The following ZNF704 variants were observed in gnomAD, a reference collection of about 807,000 sequenced individuals.
ZNF704 encodes glucocorticoid induced gene 1.
ZNF704 carries 10 observed loss-of-function variants against 44.7 expected under a neutral mutation model. The observed-to-expected ratio is 0.22, with a 90% CI of 0.14 to 0.38. The LOEUF (loss-of-function observed/expected upper bound fraction) is 0.38. ZNF704 is among the 10% of genes least tolerant of loss of function. The probability of loss-of-function intolerance (pLI) is 1.00; values close to 1 mark genes in which losing one functional copy is unlikely to be tolerated. For missense variants in ZNF704, 390 were observed against 545.5 expected, an observed-to-expected ratio of 0.71 and a Z score of 2.84; for synonymous variants, 211 against 207.6, an observed-to-expected ratio of 1.02 and a Z score of -0.14.
intron 7 of ZNF704, among the ~76,000 whole-genome samples, chr8:80,650,739 T>A (rs1455988211): frequency 3.9e-5 from 6 of 152,170 alleles, no homozygotes; most frequent in African/African-American, 9.7e-5. Context: ...TGGAAAACAC[T>A]CTGCAGGATA....
rs112293775 is a variant in ZNF704 at position 80,665,836 on chromosome 8, T to A, written c.660-754A>T. 3.8e-3 allele frequency among the ~76,000 whole-genome samples: 582 copies of A among 151,974 alleles called. 2 individuals carry two copies. The highest frequency in any genetic ancestry group is 8.8e-3 in the African/African-American group (364 of 41,496). ...ATTTTATTTTATTTTATTTTATTTT[T>A]TTTTCATGATTGTAAGTTTCCTGAG... On this transcript the variant is annotated intron_variant, in intron 5 of 8. Transcript: ENST00000327835.
intron 1 of ZNF704, among the ~76,000 whole-genome samples, chr8:80,857,511 TCTA>T (rs1043782907): frequency 1.6e-3 from 240 of 152,286 alleles, no homozygotes; most frequent in African/African-American, 5.1e-3. Context: ...AATACAGTAA[TCTA>T]CTAATACAGT....
At chr8:80,768,314 A>C (rs1020288077) in intron 2 of ZNF704, among the ~76,000 whole-genome samples, 1 of 152,066 alleles carries the variant, frequency 6.6e-6, no homozygotes, top group African/African-American at 2.4e-5. Flanking sequence ...TGTCCTTGTC[A>C]GTACATCTCC....
chr8:80,733,418 G>A (rs1379658823), intron 2 of ZNF704, among the ~76,000 whole-genome samples: 1 of 152,118 alleles, frequency 6.6e-6, no homozygotes, highest in Non-Finnish European at 1.5e-5. Flanking sequence ...ATTTTTTTGA[G>A]ATGTACTTTA....
chr8:80,688,321 T>G (rs984472394), intron 3 of ZNF704, among the ~76,000 whole-genome samples: 4 of 152,240 alleles, frequency 2.6e-5, no homozygotes, highest in African/African-American at 9.6e-5. Context: ...TGGATAGTTA[T>G]CTAAAGCCCC....
chr8:80,660,763 G>A (rs958521019), intron 6 of ZNF704, among the ~76,000 whole-genome samples: 2 of 152,032 alleles, frequency 1.3e-5, no homozygotes, highest in African/African-American at 4.8e-5. Flanking sequence ...TAGACCCCTA[G>A]CTCTTGTCAT....
At chr8:80,780,566 T>C (rs72671923) in intron 2 of ZNF704, among the ~76,000 whole-genome samples, 14,404 of 152,154 alleles carry the variant, frequency 0.095, 953 homozygotes, top group South Asian at 0.31. Context: ...GATCTTGAGA[T>C]GAGATCATTT....
intron 2 of ZNF704, among the ~76,000 whole-genome samples, chr8:80,721,672 C>A (rs1045871531): frequency 6.6e-5 from 10 of 152,020 alleles, no homozygotes; most frequent in African/African-American, 2.4e-4. Context: ...CATTTGTAAC[C>A]AAATTGACTA....
At chr8:80,868,424 T>C (rs1484945507) in intron 1 of ZNF704, among the ~76,000 whole-genome samples, 4 of 152,170 alleles carry the variant, frequency 2.6e-5, no homozygotes, top group Non-Finnish European at 5.9e-5. Context: ...CCCTCTCAAA[T>C]CTTCCTGGAA....
At chr8:80,791,419 CAG>C (rs1264494617) in intron 2 of ZNF704, among the ~76,000 whole-genome samples, 1 of 152,162 alleles carries the variant, frequency 6.6e-6, no homozygotes, top group East Asian at 1.9e-4. Context: ...ATACAGGGCC[CAG>C]AGTCACAAAT....
chr8:80,824,680 T>G (rs908269662), intron 1 of ZNF704, among the ~76,000 whole-genome samples: 4 of 152,314 alleles, frequency 2.6e-5, no homozygotes, highest in Admixed American at 6.5e-5. Context: ...GAGAGAAAAG[T>G]TGGGTTACCC....
intron 2 of ZNF704, among the ~76,000 whole-genome samples, chr8:80,791,696 T>C (rs1286768712): frequency 1.3e-5 from 2 of 151,516 alleles, no homozygotes; most frequent in African/African-American, 2.4e-5. Flanking sequence ...CCACTCTGTC[T>C]ACAGTTATCT....
rs937064126 is a variant in ZNF704, at chr8:80,869,802, G to C, written c.-22+4769C>G. 2.4e-4 allele frequency among the ~76,000 whole-genome samples: 36 copies of C among 152,220 alleles called. 1 individual carries two copies. Among genetic ancestry groups the C allele is most frequent in the Non-Finnish European group, 2.9e-5 (2 of 68,040 alleles). On this transcript the variant is annotated intron_variant, in intron 1 of 8. Coordinates refer to ENST00000327835, the MANE Select transcript of ZNF704 (RefSeq NM_001033723.3). Reference sequence around the variant, plus strand: ...TCCTGACTACATTGCATTATGCAAGGCTCCATCTTGCTGGCAGGCAGGCTC... The same window carrying C: ...TCCTGACTACATTGCATTATGCAAGCCTCCATCTTGCTGGCAGGCAGGCTC...
At chr8:80,746,116 T>C (rs1806839524) in intron 2 of ZNF704, among the ~76,000 whole-genome samples, 1 of 152,166 alleles carries the variant, frequency 6.6e-6, no homozygotes, top group African/African-American at 2.4e-5. Flanking sequence ...CTTTCAGGTA[T>C]TTACCCAAGC....
At chr8:80,738,111 T>C (rs1806695034) in intron 2 of ZNF704, among the ~76,000 whole-genome samples, 1 of 152,240 alleles carries the variant, frequency 6.6e-6, no homozygotes, top group Non-Finnish European at 1.5e-5. Context: ...TATGAGTTTT[T>C]GGAAAGATTA....
At chr8:80,739,299 C>T (rs1806717274) in intron 2 of ZNF704, among the ~76,000 whole-genome samples, 1 of 152,140 alleles carries the variant, frequency 6.6e-6, no homozygotes, top group Non-Finnish European at 1.5e-5. Flanking sequence ...GGGATATGTC[C>T]CACACTTGGT....
intron 2 of ZNF704, among the ~76,000 whole-genome samples, chr8:80,750,162 C>T (rs1348863959): frequency 6.6e-6 from 1 of 152,084 alleles, no homozygotes; most frequent in East Asian, 1.9e-4. Flanking sequence ...CTCACACATC[C>T]CCCCAGGCAG....
intron 7 of ZNF704, among the ~76,000 whole-genome samples, chr8:80,658,050 A>G (rs1818043727): frequency 6.6e-6 from 1 of 152,208 alleles, no homozygotes; most frequent in Non-Finnish European, 1.5e-5. Flanking sequence ...TGGAGCTAGT[A>G]AAGAGCCCCT....
intron 1 of ZNF704, among the ~76,000 whole-genome samples, chr8:80,838,678 G>T (rs1808623777): frequency 6.7e-6 from 1 of 150,038 alleles, no homozygotes; most frequent in South Asian, 2.1e-4. Context: ...ACCTGGAGGA[G>T]GAGGAGGAGG....
Sources: allele counts gnomAD v4.1 joint callset (sites outside exome capture counted in the v4.1 genomes callset), GRCh38; gene constraint gnomAD v4.1.1; transcripts MANE v1.5; gene names NCBI Gene and HGNC (gene_info 2026-07-23, HGNC 2026-07-21).